Variants in PTPRT observed in about 807,000 individuals in gnomAD.
PTPRT encodes the protein receptor-type tyrosine-protein phosphatase T.
PTPRT carries 56 observed loss-of-function variants against 176.8 expected under a neutral mutation model. The ratio of observed to expected loss-of-function variants is 0.32; its 90% CI spans 0.26 to 0.40. The LOEUF is 0.40. PTPRT is among the 10% of genes least tolerant of loss of function. The pLI is 1.00. For synonymous variants in PTPRT, 783 were observed against 739.0 expected (o/e 1.06, Z -0.96); for missense variants, 1,540 against 1,908.2 (o/e 0.81, Z 3.60).
intron 7 of PTPRT, among the ~76,000 whole-genome samples, chr20:42,513,907 C>T (rs2072009224): frequency 6.6e-6 from 1 of 152,120 alleles, no homozygotes; most frequent in South Asian, 2.1e-4. Flanking sequence ...CTCTAATATT[C>T]ATTTTTCTCT....
rs1600457281 is a variant in PTPRT at position 42,080,654 on chromosome 20, A to G, written c.*225T>C. On this transcript the variant is annotated 3_prime_UTR_variant, in exon 31 of 31. Transcript: ENST00000373187. ...CTTGGGCCCTTGGCTGTGGCTGGTT[A>G]GGTTGAAAAGGAAGCCTGGGCCTTT... 2 of 402,724 alleles carry G rather than the reference A, an allele frequency of 5.0e-6. No homozygotes were observed. The highest frequency in any genetic ancestry group is 4.5e-6 in the Non-Finnish European group (1 of 220,558). 24.9% of individuals were successfully genotyped at this position (402,724 alleles called of 1,614,324 possible). A position where few individuals can be genotyped will look rare whatever the true frequency, so the allele number is the denominator to read the frequency against.
At chr20:42,346,120 T>C (rs1209031785) in intron 11 of PTPRT, among the ~76,000 whole-genome samples, 3 of 151,804 alleles carry the variant, frequency 2.0e-5, no homozygotes, top group African/African-American at 7.3e-5. Context: ...AAAGTGCCAA[T>C]GTGGGAGAAG....
chr20:42,910,605 T>A (rs1369073771), intron 1 of PTPRT, among the ~76,000 whole-genome samples: 2 of 152,160 alleles, frequency 1.3e-5, no homozygotes, highest in South Asian at 2.1e-4. Flanking sequence ...AGTCACATAC[T>A]TGATCTCAGC....
chr20:42,966,160 G>C (rs934012543), intron 1 of PTPRT: 1 of 152,170 alleles, frequency 6.6e-6, no homozygotes, highest in Admixed American at 6.5e-5. Context: ...TGCCTTTTCG[G>C]GTCGTTTGAA....
At chr20:42,590,931 T>C (rs997433741) in intron 7 of PTPRT, among the ~76,000 whole-genome samples, 5 of 80,028 alleles carry the variant, frequency 6.2e-5, no homozygotes, top group Admixed American at 4.3e-4. Context: ...ATTTAGCGTG[T>C]GTGTGTGTGT....
chr20:42,876,794 C>T (rs208197), intron 2 of PTPRT, among the ~76,000 whole-genome samples: 41,540 of 152,096 alleles, frequency 0.27, 5,737 homozygotes, highest in African/African-American at 0.32. Context: ...AATTCAGCAA[C>T]GAGAGGCAGT....
chr20:42,129,983 G>A (rs1049076796), intron 18 of PTPRT, among the ~76,000 whole-genome samples: 3 of 152,186 alleles, frequency 2.0e-5, no homozygotes, highest in Non-Finnish European at 2.9e-5. Context: ...CTGTGGAAGA[G>A]AAGTAGGATG....
intron 6 of PTPRT, among the ~76,000 whole-genome samples, chr20:42,695,417 C>T (rs4812625): frequency 0.36 from 55,322 of 151,990 alleles, 11,082 homozygotes; most frequent in African/African-American, 0.54. Flanking sequence ...TATTTCCTAC[C>T]ATAGAGTTTC....
chr20:43,189,707 G>A lies in PTPRT; in HGVS notation c.27C>T (p.Leu9=). 1 of 1,284,090 alleles carries A rather than the reference G, an allele frequency of 7.8e-7. No individual in the cohort carries two copies. Among genetic ancestry groups the A allele is most frequent in the Non-Finnish European group, 9.8e-7 (1 of 1,015,782 alleles). The allele number at this position is 1,284,090 out of a possible 1,614,324, so 79.5% of individuals were successfully genotyped here. MASLAALA[L]SLLLRLQLPP... ...GCAGCTGCAGCCTCAGGAGCAGGCTGAGGGCGAGCGCGGCGAGGCTCGCCA... is the reference window on the plus strand; with the variant it reads ...GCAGCTGCAGCCTCAGGAGCAGGCTAAGGGCGAGCGCGGCGAGGCTCGCCA... Residue 9 remains leucine, a synonymous_variant, in exon 1 of 31, where the codon CTC becomes CTT. Coordinates refer to ENST00000373187, the MANE Select transcript of PTPRT (RefSeq NM_007050.6). The surrounding 1 kb of genome is among the most constrained non-coding windows in gnomAD (Gnocchi z 5.0).
chr20:42,105,417 G>A (rs1327344672), intron 24 of PTPRT, among the ~76,000 whole-genome samples: 1 of 152,036 alleles, frequency 6.6e-6, no homozygotes, highest in African/African-American at 2.4e-5. Flanking sequence ...CTTTGTACCT[G>A]CTGTACTCTC....
At chr20:42,127,625 G>A (rs1316903546) in intron 19 of PTPRT, among the ~76,000 whole-genome samples, 2 of 152,266 alleles carry the variant, frequency 1.3e-5, no homozygotes, top group African/African-American at 4.8e-5. Flanking sequence ...GAGTCTAGGG[G>A]ACCAGTATGA....
chr20:43,084,299 T>C (rs557842049), intron 1 of PTPRT, among the ~76,000 whole-genome samples: 13 of 152,308 alleles, frequency 8.5e-5, no homozygotes, highest in African/African-American at 3.1e-4. Flanking sequence ...TATGAAGACA[T>C]ACCTGAGATG....
rs575212374 is a variant in PTPRT, at chr20:42,112,764, C to G, written c.3100-2277G>C. Among the ~76,000 whole-genome samples the G allele has an allele frequency of 3.9e-5, 6 of 152,332 alleles. 1 individual carries two copies. In the South Asian group the frequency reaches 1.2e-3, roughly 32 times the overall value. On this transcript the variant is annotated intron_variant, in intron 22 of 30. Coordinates refer to ENST00000373187, the MANE Select transcript of PTPRT (RefSeq NM_007050.6). The stretch of plus-strand genomic sequence containing the variant: ...ACCCAAACGACTGCTGCTTCTGGCT[C>G]TGCTTCTGGGAAACCCAAACTAACA...
At chr20:42,270,429 G>A in intron 13 of PTPRT, 1 of 1,550,930 alleles carries the variant, frequency 6.4e-7, no homozygotes, top group Non-Finnish European at 8.7e-7. Context: ...AGTCCCCGGG[G>A]TCACCTGGGC....
intron 17 of PTPRT, among the ~76,000 whole-genome samples, chr20:42,143,976 C>T (rs1988750518): frequency 6.6e-6 from 1 of 152,168 alleles, no homozygotes; most frequent in Admixed American, 6.5e-5. Flanking sequence ...GGAAACTCCC[C>T]AGCATTTCTT....
chr20:42,893,195 C>T (rs995983729), intron 1 of PTPRT, among the ~76,000 whole-genome samples: 3 of 152,114 alleles, frequency 2.0e-5, no homozygotes, highest in Non-Finnish European at 4.4e-5. Context: ...CACAAAGTGG[C>T]CAAAGGATAT....
intron 9 of PTPRT, among the ~76,000 whole-genome samples, chr20:42,426,280 A>C (rs2059163109): frequency 6.6e-6 from 1 of 152,128 alleles, no homozygotes; most frequent in Non-Finnish European, 1.5e-5. Context: ...ACAGAAGAGA[A>C]GAAGAGTAAC....
At chr20:42,734,257 C>G (rs2076504600) in intron 6 of PTPRT, among the ~76,000 whole-genome samples, 1 of 152,126 alleles carries the variant, frequency 6.6e-6, no homozygotes, top group Non-Finnish European at 1.5e-5. Flanking sequence ...TGGGGAGTGA[C>G]ATTGACTCCA....
In PTPRT at chr20:42,305,652, T is replaced by G. The variant is rs926465855; in HGVS notation, c.2139+10071A>C. The stretch of plus-strand genomic sequence containing the variant: ...ATGTGTGTGTGTGTGTTTTAGCAAG[T>G]ATACCTTTACCTGAAAGGTCCTTTG... On this transcript the variant is annotated intron_variant, in intron 12 of 30. Transcript: ENST00000373187. Among the ~76,000 whole-genome samples the G allele has an allele frequency of 7.2e-5, 11 of 152,242 alleles. No homozygotes were observed. The East Asian group carries it at 1.9e-3, about 27-fold the overall frequency.
Sources: allele counts gnomAD v4.1 joint callset (sites outside exome capture counted in the v4.1 genomes callset), GRCh38; gene constraint gnomAD v4.1.1; non-coding constraint Gnocchi (gnomAD v3.1); transcripts MANE v1.5; gene names NCBI Gene and HGNC (gene_info 2026-07-23, HGNC 2026-07-21).